Variants in KCNIP4 observed in about 807,000 individuals in gnomAD.
The protein encoded by KCNIP4 is Kv channel-interacting protein 4.
Under a neutral mutation model 34.0 loss-of-function variants are expected in KCNIP4, and 12 were observed. The observed-to-expected ratio is 0.35, with a 90% CI of 0.23 to 0.57. The LOEUF is 0.57. Ranked by LOEUF, KCNIP4 falls within the 20% of genes least tolerant of loss-of-function variation. The pLI, the probability that KCNIP4 is intolerant of heterozygous loss-of-function variation, is 0.83. For missense variants in KCNIP4, 238 were observed against 311.7 expected (o/e 0.76, Z 1.78); for synonymous variants, 124 against 102.2 (o/e 1.21, Z -1.29).
At chr4:20,999,079 A>T (rs547373299) in intron 1 of KCNIP4, among the ~76,000 whole-genome samples, 9 of 152,098 alleles carry the variant, frequency 5.9e-5, no homozygotes, top group Non-Finnish European at 1.2e-4. Context: ...CACTTAACTC[A>T]CTCTTCATTC....
chr4:20,957,391 T>C (rs1257455525), intron 1 of KCNIP4, among the ~76,000 whole-genome samples: 2 of 152,240 alleles, frequency 1.3e-5, no homozygotes, highest in Admixed American at 6.5e-5. Flanking sequence ...TCATAATGTA[T>C]GATCCCATTT....
chr4:21,236,861 T>TA (rs1759398494), intron 1 of KCNIP4, among the ~76,000 whole-genome samples: 1 of 136,072 alleles, frequency 7.3e-6, no homozygotes, highest in South Asian at 2.3e-4. Flanking sequence ...AAAAAAAAAA[T>TA]ACCAAAAAAT....
At chr4:21,578,474 A>G (rs2109066260) in intron 1 of KCNIP4, among the ~76,000 whole-genome samples, 1 of 152,284 alleles carries the variant, frequency 6.6e-6, no homozygotes. Context: ...GACATATGAC[A>G]AAACATGGGC....
intron 1 of KCNIP4, among the ~76,000 whole-genome samples, chr4:21,629,961 C>T (rs866944116): frequency 6.9e-6 from 1 of 145,806 alleles, no homozygotes; most frequent in Non-Finnish European, 1.5e-5. Context: ...AATGATCCTC[C>T]CACCTAATCC....
At chr4:21,845,113 C>A (rs560546805) in intron 1 of KCNIP4, 38 of 152,144 alleles carry the variant, frequency 2.5e-4, no homozygotes, top group African/African-American at 8.7e-4. Context: ...TTTCTAGGCA[C>A]TAACTCTGCT....
chr4:21,012,808 CT>C (rs1374849428), intron 1 of KCNIP4, among the ~76,000 whole-genome samples: 9 of 152,134 alleles, frequency 5.9e-5, no homozygotes, highest in Non-Finnish European at 1.2e-4. Flanking sequence ...CATATCTGTT[CT>C]ATGTTTCTCA....
At chr4:21,208,876 A>G (rs1423195845) in intron 1 of KCNIP4, among the ~76,000 whole-genome samples, 1 of 152,136 alleles carries the variant, frequency 6.6e-6, no homozygotes, top group Non-Finnish European at 1.5e-5. Context: ...CACCTTCTTC[A>G]CAAGGCAGCA....
chr4:21,679,079 A>G (rs1413146755), intron 1 of KCNIP4, among the ~76,000 whole-genome samples: 1 of 152,174 alleles, frequency 6.6e-6, no homozygotes, highest in Non-Finnish European at 1.5e-5. Flanking sequence ...GGACTCAGAA[A>G]AAAATCCAAC....
chr4:21,630,825 A>G (rs1175652143), intron 1 of KCNIP4, among the ~76,000 whole-genome samples: 2 of 152,202 alleles, frequency 1.3e-5, no homozygotes, highest in East Asian at 3.9e-4. Flanking sequence ...TTTGCATAGC[A>G]TGAAAGATGT....
intron 1 of KCNIP4, among the ~76,000 whole-genome samples, chr4:21,503,195 A>C (rs868133408): frequency 3.3e-5 from 5 of 152,174 alleles, no homozygotes; most frequent in South Asian, 4.1e-4. Context: ...ATAATTTTAC[A>C]CCTATCATCT....
chr4:21,245,663 C>T lies in KCNIP4; in HGVS notation c.62-362954G>A, dbSNP rs73802518. On this transcript the variant is annotated intron_variant, in intron 1 of 8. Coordinates refer to ENST00000382152, the MANE Select transcript of KCNIP4 (RefSeq NM_025221.6). ...ATGAGAAGAAGTGGAATATGTCAGA[C>T]CAGGAACTAGGAATTCAGGAGAAGT... 3.0e-3 allele frequency among the ~76,000 whole-genome samples: 451 copies of T among 152,108 alleles called. 1 individual carries two copies. Among genetic ancestry groups the T allele is most frequent in the African/African-American group, 9.8e-3 (408 of 41,488 alleles).
rs1560198106 is a variant in KCNIP4, at chr4:21,234,091, T to TATATAACATATATAACATATATAAC, written c.62-351383_62-351382insGTTATATATGTTATATATGTTATAT. On this transcript the variant is annotated intron_variant, in intron 1 of 8. Transcript: ENST00000382152. ...ACATAACATAACATATAACGTATAT[T>TATATAACATATATAACATATATAAC]ATATATAACATATATAACGTATATT... Among the ~76,000 whole-genome samples the TATATAACATATATAACATATATAAC allele has an allele frequency of 2.1e-5, 2 of 93,050 alleles. 1 individual carries two copies. Among genetic ancestry groups the TATATAACATATATAACATATATAAC allele is most frequent in the African/African-American group, 1.2e-4 (2 of 16,208 alleles). The allele number at this position is 93,050 out of a possible 152,430, so 61.0% of individuals were successfully genotyped here.
intron 1 of KCNIP4, among the ~76,000 whole-genome samples, chr4:21,546,273 CATTCTTAGA>C (rs1412535587): frequency 1.3e-5 from 2 of 152,056 alleles, no homozygotes; most frequent in Non-Finnish European, 2.9e-5. Context: ...TATTGGGGGC[CATTCTTAGA>C]ATTCTTAGAA....
chr4:21,504,458 T>A (rs1577478883), intron 1 of KCNIP4, among the ~76,000 whole-genome samples: 2 of 30,454 alleles, frequency 6.6e-5, no homozygotes, highest in Non-Finnish European at 1.2e-4. Flanking sequence ...ATAGAATGAC[T>A]CCAACTCAAA....
chr4:20,795,211 GTCT>G (rs1713295065), intron 3 of KCNIP4, among the ~76,000 whole-genome samples: 1 of 152,108 alleles, frequency 6.6e-6, no homozygotes, highest in African/African-American at 2.4e-5. Context: ...AAGAAGAGGT[GTCT>G]TCTTTATGGG....
chr4:21,759,286 T>C (rs905283272), intron 1 of KCNIP4, among the ~76,000 whole-genome samples: 3 of 152,232 alleles, frequency 2.0e-5, no homozygotes, highest in African/African-American at 7.2e-5. Flanking sequence ...ATTTTGCCCA[T>C]TTTGATTGCT....
chr4:21,917,330 T>A (rs1728688007), intron 1 of KCNIP4, among the ~76,000 whole-genome samples: 1 of 152,020 alleles, frequency 6.6e-6, no homozygotes, highest in Non-Finnish European at 1.5e-5. Flanking sequence ...AGAGACTGGG[T>A]TTCACTATGT....
intron 1 of KCNIP4, among the ~76,000 whole-genome samples, chr4:21,528,719 GAAA>G (rs1736243764): frequency 0.014 from 9 of 652 alleles, no homozygotes; most frequent in African/African-American, 0.043. Flanking sequence ...AAGAAAGAAA[GAAA>G]GAAAGAAAGA....
At chr4:21,279,914 TA>T (rs1578011575) in intron 1 of KCNIP4, among the ~76,000 whole-genome samples, 1 of 152,180 alleles carries the variant, frequency 6.6e-6, no homozygotes, top group African/African-American at 2.4e-5. Flanking sequence ...ACTTTACTAT[TA>T]AAAGAGTTCA....
Sources: gnomAD v4.1 joint callset for allele counts (sites outside exome capture counted in the v4.1 genomes callset) on GRCh38, gnomAD v4.1.1 for gene constraint, MANE v1.5 for transcripts, NCBI Gene and HGNC (gene_info 2026-07-23, HGNC 2026-07-21) for gene names.